Variants in HK1 observed in about 807,000 individuals in gnomAD.
The protein encoded by HK1 is hexokinase-1.
In HK1, 28 loss-of-function variants were observed where a neutral mutation model predicts 91.6. That is an observed-to-expected ratio of 0.31 (90% CI 0.23 to 0.42). The LOEUF (loss-of-function observed/expected upper bound fraction) is 0.42. Ranked by LOEUF, HK1 falls within the 10% of genes least tolerant of loss-of-function variation. The probability of loss-of-function intolerance (pLI) is 1.00; values close to 1 mark genes in which losing one functional copy is unlikely to be tolerated. For missense variants in HK1, 770 were observed against 1,219.8 expected (o/e 0.63, Z 5.49); for synonymous variants, 430 against 468.1 (o/e 0.92, Z 1.05).
Position 69,369,765 on chromosome 10 carries a change from G to A in HK1, c.875+141G>A. On this transcript the variant is annotated intron_variant, in intron 7 of 17. Transcript: ENST00000359426. This position sits in a 1 kb window ranked among gnomAD's most constrained non-coding sequence, Gnocchi z 4.4. ...TGTCACATTTTTTTTTTGAGGCGGA[G>A]TCTTGCTCTGTCACCCAGGCTGGAG... 2 of 817,622 alleles carry A rather than the reference G, an allele frequency of 2.4e-6. No individual in the cohort carries two copies. The highest frequency in any genetic ancestry group is 1.5e-5 in the South Asian group (1 of 66,496). 50.6% of individuals were successfully genotyped at this position (817,622 alleles called of 1,614,324 possible).
intron 8 of HK1, 144 bp downstream of exon 8, chr10:69,377,233 T>A (rs1004046436): frequency 8.3e-6 from 8 of 958,264 alleles, no homozygotes; most frequent in African/African-American, 8.1e-5. Context: ...TCACTCTTAG[T>A]TGACCCATTC....
chr10:69,375,621 G>A (rs1255369243), intron 7 of HK1, among the ~76,000 whole-genome samples: 2 of 152,206 alleles, frequency 1.3e-5, no homozygotes, highest in African/African-American at 4.8e-5. Context: ...CTTGGCTTCT[G>A]GGCGGCTCTG....
chr10:69,294,278 G>A (rs1845444143), intron 3 of HK1, among the ~76,000 whole-genome samples: 1 of 152,206 alleles, frequency 6.6e-6, no homozygotes, highest in Non-Finnish European at 1.5e-5. Context: ...AAAAGCATGG[G>A]TATAGGGAGG....
intron 1 of HK1, among the ~76,000 whole-genome samples, chr10:69,327,659 C>T (rs1396339707): frequency 1.3e-5 from 2 of 152,132 alleles, no homozygotes; most frequent in East Asian, 1.9e-4. Context: ...AGTTGCCATC[C>T]GTGGTCATGC....
At chr10:69,283,798 C>CAAAAAA (rs571297748) in intron 2 of HK1, among the ~76,000 whole-genome samples, 11 of 67,238 alleles carry the variant, frequency 1.6e-4, no homozygotes, top group South Asian at 6.6e-4. Context: ...GACTCTGTCT[C>CAAAAAA]AAAAAAAAAA....
intron 1 of HK1, among the ~76,000 whole-genome samples, chr10:69,281,231 A>G (rs1844730563): frequency 6.6e-6 from 1 of 152,182 alleles, no homozygotes; most frequent in South Asian, 2.1e-4. Context: ...TTTTCCATTC[A>G]GTAGGTCTGT....
intron 5 of HK1, among the ~76,000 whole-genome samples, chr10:69,307,089 A>G (rs143916217): frequency 3.2e-4 from 49 of 152,318 alleles, no homozygotes; most frequent in African/African-American, 1.1e-3. Context: ...TGCCCATGGG[A>G]CATATAAGAC....
chr10:69,387,859 A>G (rs1839716098), intron 13 of HK1, among the ~76,000 whole-genome samples: 1 of 141,010 alleles, frequency 7.1e-6, no homozygotes, highest in Non-Finnish European at 1.5e-5. Context: ...GGGAGTCAGT[A>G]AGAGACTGTT....
intron 1 of HK1, among the ~76,000 whole-genome samples, chr10:69,327,560 A>G (rs763526807): frequency 1.3e-5 from 2 of 152,154 alleles, no homozygotes; most frequent in Non-Finnish European, 2.9e-5. Flanking sequence ...GCGCATGCAC[A>G]AGTTTCTCTA....
intron 5 of HK1, among the ~76,000 whole-genome samples, chr10:69,306,866 G>T (rs1338788389): frequency 6.6e-6 from 1 of 152,222 alleles, no homozygotes; most frequent in Non-Finnish European, 1.5e-5. Flanking sequence ...GGTGTTTTGG[G>T]TGACACAGTT....
intron 1 of HK1, 40 bp from the exon 2 acceptor site, chr10:69,343,787 C>T (rs1330750672): frequency 6.4e-7 from 1 of 1,552,668 alleles, no homozygotes; most frequent in East Asian, 2.2e-5. Context: ...CCCTGTCCTC[C>T]CCCTCGACCT....
intron 1 of HK1, among the ~76,000 whole-genome samples, chr10:69,322,407 G>T (rs1279490609): frequency 6.6e-6 from 1 of 152,090 alleles, no homozygotes; most frequent in Admixed American, 6.6e-5. Context: ...TTATCCAGAC[G>T]GCATCTGCAT....
chr10:69,312,094 GA>G (rs1242790815), upstream of HK1, among the ~76,000 whole-genome samples: 3 of 152,132 alleles, frequency 2.0e-5, no homozygotes, highest in Admixed American at 6.5e-5. Flanking sequence ...AGGGTGGAAG[GA>G]AAACTTCCGC....
chr10:69,272,566 T>C (rs1844222520), intron 1 of HK1, among the ~76,000 whole-genome samples: 1 of 152,226 alleles, frequency 6.6e-6, no homozygotes, highest in Admixed American at 6.5e-5. Context: ...TTTCCTCCAG[T>C]ATTTTAAGAA....
In HK1 at chr10:69,359,882, TG is replaced by T. The variant is rs757057687; in HGVS notation, c.227-14del. ...CATTTGAATCTCATGTGATACCTGT[TG>T]TCTCCCTAAACAGAAAAGGGAGATT... is the stretch of plus-strand genomic sequence containing the variant. On this transcript the variant is annotated splice_polypyrimidine_tract_variant and intron_variant, in intron 2 of 17. Transcript: ENST00000359426. 4 of 1,613,152 alleles carry T rather than the reference TG, an allele frequency of 2.5e-6. No individual in the cohort carries two copies. The African/African-American group carries it at 4.0e-5, about 16-fold the overall frequency.
intron 2 of HK1, among the ~76,000 whole-genome samples, chr10:69,346,214 A>C (rs1190694562): frequency 6.6e-6 from 1 of 152,192 alleles, no homozygotes; most frequent in East Asian, 1.9e-4. Context: ...TCCCTTTTTG[A>C]AATGTTAATC....
chr10:69,326,059 T>C (rs1051991177), intron 1 of HK1, among the ~76,000 whole-genome samples: 4 of 151,522 alleles, frequency 2.6e-5, no homozygotes, highest in Non-Finnish European at 5.9e-5. Context: ...TGGTCTTGAA[T>C]TCCTGACCTC....
intron 4 of HK1, among the ~76,000 whole-genome samples, chr10:69,297,611 G>A (rs1468652500): frequency 6.6e-6 from 1 of 151,918 alleles, no homozygotes; most frequent in Non-Finnish European, 1.5e-5. Context: ...TTGCTTGGTT[G>A]AGGCCGGATG....
chr10:69,389,059 C>G, intron 13 of HK1, 138 bp from the exon 14 acceptor site: 1 of 714,992 alleles, frequency 1.4e-6, no homozygotes, highest in Non-Finnish European at 2.6e-6. Context: ...CATTCATTAC[C>G]TTTTTGTAGG....
Sources: allele counts gnomAD v4.1 joint callset (sites outside exome capture counted in the v4.1 genomes callset), GRCh38; gene constraint gnomAD v4.1.1; non-coding constraint Gnocchi (gnomAD v3.1); transcripts MANE v1.5; gene names NCBI Gene and HGNC (gene_info 2026-07-23, HGNC 2026-07-21).